KNTC1: variants seen among roughly 807,000 people sequenced by gnomAD.
KNTC1 encodes the protein kinetochore-associated protein 1.
Under a neutral mutation model 314.4 loss-of-function variants are expected in KNTC1, and 253 were observed. The observed-to-expected ratio is 0.80, with a 90% confidence interval of 0.73 to 0.89. The LOEUF is 0.89. Ranked by LOEUF, KNTC1 falls within the 40% of genes least tolerant of loss-of-function variation. The probability of loss-of-function intolerance (pLI) is 0.00; values close to 1 mark genes in which losing one functional copy is unlikely to be tolerated. For missense variants in KNTC1, 2,475 were observed against 2,572.9 expected, an observed-to-expected ratio of 0.96 and a Z score of 0.82; for synonymous variants, 901 against 901.4, an observed-to-expected ratio of 1.00 and a Z score of 0.01.
chr12:122,622,432 C>A, intron 61 of KNTC1, 30 bp from the exon 62 acceptor site: 1 of 1,488,174 alleles, frequency 6.7e-7, no homozygotes, highest in South Asian at 1.2e-5. Context: ...GATTAGAAGT[C>A]TGATCTTAAT....
intron 31 of KNTC1, among the ~76,000 whole-genome samples, 155 bp downstream of exon 31, chr12:122,577,946 G>GA (rs942723597): frequency 9.9e-5 from 15 of 151,934 alleles, no homozygotes; most frequent in Non-Finnish European, 1.9e-4. Flanking sequence ...ACTACTAGGA[G>GA]AAAAAAAACA....
rs1468729078 is a variant in KNTC1 at position 122,575,698 on chromosome 12, G to A, written c.2486+52G>A. The A allele has an allele frequency of 3.4e-6, 5 of 1,484,154 alleles. No individual in the cohort carries two copies. The Admixed American group carries it at 5.7e-5, about 17-fold the overall frequency. The allele number at this position is 1,484,154 out of a possible 1,614,324, so 91.9% of individuals were successfully genotyped here. On this transcript the variant is annotated intron_variant, in intron 28 of 63. Coordinates refer to ENST00000333479, the MANE Select transcript of KNTC1 (RefSeq NM_014708.6). ...TTGTTATGCTCTGGAGAAACATTGT[G>A]TTTTGAGTTGACGTTCATTTATGTT... is the stretch of plus-strand genomic sequence containing the variant.
intron 57 of KNTC1, among the ~76,000 whole-genome samples, chr12:122,618,058 G>A (rs1281865537): frequency 1.3e-5 from 2 of 152,058 alleles, no homozygotes; most frequent in Non-Finnish European, 2.9e-5. Flanking sequence ...GGCAACCTCC[G>A]CCTCCCGGGT....
chr12:122,550,171 A>ATATTTATGTAACTAATTTTCG (rs1963090650), intron 13 of KNTC1, among the ~76,000 whole-genome samples: 1 of 152,138 alleles, frequency 6.6e-6, no homozygotes, highest in South Asian at 2.1e-4. Context: ...TTGCTGTTAC[A>ATATTTATGTAACTAATTTTCG]TATTTATGTA....
chr12:122,594,837 C>A (rs1870802493), intron 43 of KNTC1, among the ~76,000 whole-genome samples: 1 of 152,098 alleles, frequency 6.6e-6, no homozygotes, highest in Non-Finnish European at 1.5e-5. Flanking sequence ...GGGAGAATTT[C>A]TAATTTCCTA....
chr12:122,558,251 A>T (rs1963737263), intron 18 of KNTC1, among the ~76,000 whole-genome samples: 1 of 151,868 alleles, frequency 6.6e-6, no homozygotes. Flanking sequence ...CTGTGTCTCA[A>T]AAAATAAAAT....
At chr12:122,617,398 A>G in intron 57 of KNTC1, 1 of 449,082 alleles carries the variant, frequency 2.2e-6, no homozygotes, top group Admixed American at 2.4e-5. Context: ...TTTTTCTTTA[A>G]ATGTATAGAG....
intron 1 of KNTC1, among the ~76,000 whole-genome samples, chr12:122,528,175 G>A (rs955647605): frequency 5.9e-5 from 9 of 152,096 alleles, no homozygotes; most frequent in Admixed American, 3.3e-4. Context: ...AGTTACGGGC[G>A]GTTTCTCTAT....
chr12:122,543,455 G>A (rs554487053), intron 6 of KNTC1, 145 bp from the exon 7 acceptor site: 15 of 592,254 alleles, frequency 2.5e-5, no homozygotes, highest in South Asian at 4.5e-5. Flanking sequence ...CACAGTTAGC[G>A]TATTTTGGTC....
At chr12:122,568,916 G>T (rs1424622828) in intron 21 of KNTC1, among the ~76,000 whole-genome samples, 2 of 152,218 alleles carry the variant, frequency 1.3e-5, no homozygotes, top group Non-Finnish European at 2.9e-5. Context: ...TACAGTGAAT[G>T]TACAGTAGAA....
intron 26 of KNTC1, 47 bp from the exon 27 acceptor site, chr12:122,574,235 T>G: frequency 1.8e-6 from 2 of 1,111,504 alleles, no homozygotes; most frequent in Non-Finnish European, 2.7e-6. Context: ...ATTTTTTTAA[T>G]GAGAATTTTT....
chr12:122,574,664 G>A (rs1421538435), intron 27 of KNTC1, among the ~76,000 whole-genome samples: 1 of 152,116 alleles, frequency 6.6e-6, no homozygotes, highest in Non-Finnish European at 1.5e-5. Context: ...TCCCAGGCTG[G>A]TCTTGAACAC....
intron 53 of KNTC1, 45 bp downstream of exon 53, chr12:122,610,945 T>G (rs1015231620): frequency 7.2e-7 from 1 of 1,382,394 alleles, no homozygotes; most frequent in East Asian, 2.3e-5. Context: ...GCATCTCAGC[T>G]TAACATTTTT....
Position 122,527,350 on chromosome 12 carries a change from A to G in KNTC1, c.-75A>G, listed in dbSNP as rs1960760942. On this transcript the variant is annotated splice_region_variant and 5_prime_UTR_variant, in exon 1 of 64. Transcript: ENST00000333479. The stretch of plus-strand genomic sequence containing the variant: ...GTTCCTCTTTAGTTTCTTCAATTGC[A>G]GGTGAGGACGGGGAGCTGCGCTGTG... 5.9e-6 allele frequency: 1 copy of G among 168,880 alleles called. No homozygotes were observed. The highest frequency in any genetic ancestry group is 1.3e-5 in the Non-Finnish European group (1 of 77,430). 10.5% of individuals were successfully genotyped at this position (168,880 alleles called of 1,614,324 possible).
At chr12:122,609,292 G>T in intron 51 of KNTC1, 92 bp from the exon 52 acceptor site, 1 of 779,516 alleles carries the variant, frequency 1.3e-6, no homozygotes, top group South Asian at 1.6e-5. Context: ...TCGTATATTA[G>T]GTTTTTTATC....
chr12:122,613,276 A>G, intron 54 of KNTC1, 46 bp downstream of exon 54: 1 of 1,275,986 alleles, frequency 7.8e-7, no homozygotes, highest in Non-Finnish European at 1.1e-6. Flanking sequence ...GAAACAGATC[A>G]TTTTTTGGAG....
chr12:122,534,707 G>A lies in KNTC1; in HGVS notation c.173G>A (p.Gly58Glu), dbSNP rs61750346. The A allele has an allele frequency of 1.7e-5, 28 of 1,610,888 alleles. No individual in the cohort carries two copies. In the Admixed American group the frequency reaches 3.4e-4, roughly 19 times the overall value. The change falls in exon 3 of 64, where the codon GGG (glycine) becomes GAG (glutamate). Residue 58 changes from glycine (G) to glutamate (E), a missense_variant. Coordinates refer to ENST00000333479, the MANE Select transcript of KNTC1 (RefSeq NM_014708.6). The part of the protein sequence containing the change: ...PKIQACSLSD[G>E]FIIVADQSVI... ...ATACAGGCATGCAGCTTAAGTGATG[G>A]GTTTATTATTGTAGCCGACCAATCA...
At position 122,626,303 on chromosome 12, in the gene KNTC1, T is replaced by A; in HGVS notation, c.*75T>A. ...TAATGGACCATATTTATTACAGTTT[T>A]TAAATTGTACAATCTCTGTATTATA... On this transcript the variant is annotated 3_prime_UTR_variant, in exon 64 of 64. Coordinates refer to ENST00000333479, the MANE Select transcript of KNTC1 (RefSeq NM_014708.6). 1.0e-6 allele frequency: 1 copy of A among 1,003,822 alleles called. No homozygotes were observed. Among genetic ancestry groups the A allele is most frequent in the Non-Finnish European group, 1.5e-6 (1 of 648,710 alleles). The allele number at this position is 1,003,822 out of a possible 1,614,324, so 62.2% of individuals were successfully genotyped here. A position where few individuals can be genotyped will look rare whatever the true frequency, so the allele number is the denominator to read the frequency against.
intron 2 of KNTC1, among the ~76,000 whole-genome samples, chr12:122,533,161 G>GT (rs775641415): frequency 2.0e-5 from 3 of 151,818 alleles, no homozygotes; most frequent in Non-Finnish European, 2.9e-5. Flanking sequence ...ATATAGTGCC[G>GT]TTCCTTTTCT....
Sources: allele counts gnomAD v4.1 joint callset (sites outside exome capture counted in the v4.1 genomes callset), GRCh38; gene constraint gnomAD v4.1.1; transcripts MANE v1.5; gene names NCBI Gene and HGNC (gene_info 2026-07-23, HGNC 2026-07-21).